RILPL1: variants seen among roughly 807,000 people sequenced by gnomAD.
RILPL1 encodes the protein Rab interacting lysosomal protein like 1, also known as RILP-like protein 1.
Under a neutral mutation model 50.3 loss-of-function variants are expected in RILPL1, and 33 were observed. The observed-to-expected ratio is 0.66, with a 90% confidence interval of 0.50 to 0.88. The LOEUF (loss-of-function observed/expected upper bound fraction) is 0.88, where lower values mean the gene tolerates loss of function less well. RILPL1 is among the 40% of genes least tolerant of loss of function. The pLI, the probability that RILPL1 is intolerant of heterozygous loss-of-function variation, is 0.00. For missense variants in RILPL1, 418 were observed against 542.5 expected (o/e 0.77, Z 2.28); for synonymous variants, 205 against 228.6 (o/e 0.90, Z 0.93).
chr12:123,521,587 A>G (rs796611159), intron 2 of RILPL1, among the ~76,000 whole-genome samples: 221 of 14,610 alleles, frequency 0.015, 5 homozygotes, highest in African/African-American at 0.028. Flanking sequence ...ACATATGTGT[A>G]TATATATATT....
At chr12:123,481,325 C>G (rs914394597) in intron 6 of RILPL1, among the ~76,000 whole-genome samples, 2 of 150,088 alleles carry the variant, frequency 1.3e-5, no homozygotes, top group Non-Finnish European at 3.0e-5. Flanking sequence ...TGCCACTGCA[C>G]TCCAGCCTCG....
chr12:123,481,045 T>C (rs571852015), intron 6 of RILPL1, among the ~76,000 whole-genome samples: 4 of 152,108 alleles, frequency 2.6e-5, no homozygotes, highest in Non-Finnish European at 5.9e-5. Context: ...GACTCTGCAC[T>C]GGAGTTTCAG....
chr12:123,475,540 GCA>G, intron 6 of RILPL1: 1 of 682,642 alleles, frequency 1.5e-6, no homozygotes, highest in Non-Finnish European at 2.7e-6. Context: ...GTCAAATGGA[GCA>G]CACAGGTGGC....
chr12:123,476,438 T>G, intron 6 of RILPL1, among the ~76,000 whole-genome samples: 1 of 147,868 alleles, frequency 6.8e-6, no homozygotes, highest in Non-Finnish European at 1.5e-5. Flanking sequence ...CAAAACTCCA[T>G]CTCAAGAAAA....
intron 6 of RILPL1, among the ~76,000 whole-genome samples, chr12:123,480,158 CTTTTTTT>C (rs957649286): frequency 3.1e-4 from 36 of 117,008 alleles, no homozygotes; most frequent in Middle Eastern, 4.5e-3. Context: ...AAGGCTGATT[CTTTTTTT>C]TTTTTTTTTT....
In RILPL1 at chr12:123,527,080, T is replaced by C. The variant is rs114949034; in HGVS notation, c.310-3435A>G. ...GCACGGTGGCTCATACCTATAATCC[T>C]TGTAATTTAGGAGGCTGAGGTGGGA... On this transcript the variant is annotated intron_variant, in intron 1 of 6. Coordinates refer to ENST00000376874, the MANE Select transcript of RILPL1 (RefSeq NM_178314.5). Among the ~76,000 whole-genome samples the C allele has an allele frequency of 4.0e-3, 610 of 152,314 alleles. 3 individuals are homozygous for C. The highest frequency in any genetic ancestry group is 0.014 in the African/African-American group (579 of 41,574).
chr12:123,511,686 G>C (rs1490662795), intron 2 of RILPL1, among the ~76,000 whole-genome samples: 6 of 89,242 alleles, frequency 6.7e-5, no homozygotes, highest in African/African-American at 2.4e-4. Context: ...GTGGTGTGTG[G>C]TGTGTGTGTG....
chr12:123,527,864 TGG>T, intron 1 of RILPL1, among the ~76,000 whole-genome samples: 1 of 152,024 alleles, frequency 6.6e-6, no homozygotes, highest in East Asian at 1.9e-4. Context: ...GTCCATAAGT[TGG>T]GGAAGGCAAA....
intron 4 of RILPL1, among the ~76,000 whole-genome samples, chr12:123,493,487 TTGTCTC>T (rs1332096106): frequency 2.0e-5 from 3 of 152,158 alleles, no homozygotes; most frequent in Non-Finnish European, 4.4e-5. Flanking sequence ...TCTCTATACT[TTGTCTC>T]TGTGTCTTTT....
At chr12:123,492,142 C>T (rs779809579) in intron 4 of RILPL1, among the ~76,000 whole-genome samples, 14 of 151,836 alleles carry the variant, frequency 9.2e-5, no homozygotes, top group Non-Finnish European at 1.9e-4. Flanking sequence ...ATCATGGTGG[C>T]TTGAACCCGG....
chr12:123,488,264 C>T (rs1882466474), intron 4 of RILPL1, among the ~76,000 whole-genome samples: 1 of 151,916 alleles, frequency 6.6e-6, no homozygotes, highest in South Asian at 2.1e-4. Flanking sequence ...CATAGCAAGA[C>T]CTCATGTCTA....
chr12:123,508,729 C>T (rs1409584826), intron 2 of RILPL1, among the ~76,000 whole-genome samples: 1 of 152,094 alleles, frequency 6.6e-6, no homozygotes, highest in African/African-American at 2.4e-5. Context: ...TAAGGCCGGG[C>T]ACAGTGGCTC....
At chr12:123,481,827 G>T (rs1383191109) in intron 6 of RILPL1, among the ~76,000 whole-genome samples, 3 of 151,814 alleles carry the variant, frequency 2.0e-5, no homozygotes, top group Admixed American at 6.6e-5. Flanking sequence ...AAAGTGCTGG[G>T]ATTACAAGCC....
At chr12:123,520,579 CAAA>C (rs973553428) in intron 2 of RILPL1, among the ~76,000 whole-genome samples, 79 of 152,198 alleles carry the variant, frequency 5.2e-4, no homozygotes, top group East Asian at 1.4e-3. Context: ...AACAAACAAA[CAAA>C]CAAACAAAAA....
Position 123,533,146 on chromosome 12 carries a change from G to C in RILPL1, c.309+28C>G. ...TTGGGTCCCCGCGGTCCCACTGCCC[G>C]GACGGACAGACCGAGGCCGCCGCCC... is the stretch of plus-strand genomic sequence containing the variant. On this transcript the variant is annotated intron_variant, in intron 1 of 6. Transcript: ENST00000376874. The surrounding 1 kb of genome is among the most constrained non-coding windows in gnomAD (Gnocchi z 6.2). The C allele has an allele frequency of 6.6e-7, 1 of 1,506,742 alleles. No homozygotes were observed. Among genetic ancestry groups the C allele is most frequent in the South Asian group, 1.3e-5 (1 of 79,866 alleles). 93.3% of individuals were successfully genotyped at this position (1,506,742 alleles called of 1,614,324 possible).
chr12:123,510,270 A>G (rs970403169), intron 2 of RILPL1, among the ~76,000 whole-genome samples: 2 of 152,078 alleles, frequency 1.3e-5, no homozygotes, highest in Admixed American at 1.3e-4. Flanking sequence ...TGCCCCAGGG[A>G]CACTGCTGCA....
In RILPL1 at chr12:123,491,731, T is replaced by G. The variant is rs1593549413; in HGVS notation, c.802-5926A>C. Among the ~76,000 whole-genome samples the G allele has an allele frequency of 6.6e-6, 1 of 152,128 alleles. No individual in the cohort carries two copies. The highest frequency in any genetic ancestry group is 1.9e-4 in the East Asian group (1 of 5,192). Reference sequence around the variant, plus strand: ...CTGCTACGAAATCAAAACGTGTGGCTGGGCGCGGTGGCTCACACCTGTAAT... The same window carrying G: ...CTGCTACGAAATCAAAACGTGTGGCGGGGCGCGGTGGCTCACACCTGTAAT... On this transcript the variant is annotated intron_variant, in intron 4 of 6. Transcript: ENST00000376874. The surrounding 1 kb of genome is among the most constrained non-coding windows in gnomAD (Gnocchi z 4.0).
At chr12:123,478,650 C>T (rs1439910178) in intron 6 of RILPL1, among the ~76,000 whole-genome samples, 1 of 152,100 alleles carries the variant, frequency 6.6e-6, no homozygotes, top group African/African-American at 2.4e-5. Context: ...GGGTGGCCAC[C>T]CACTCCAAAG....
Position 123,472,407 on chromosome 12 carries a change from C to G in RILPL1, c.*131G>C. ...AATGTCCATCCTCAAATCAGACAGTCTGTTTGAGGGGTCAGTTTTCAGGGT... is the reference window on the plus strand; with the variant it reads ...AATGTCCATCCTCAAATCAGACAGTGTGTTTGAGGGGTCAGTTTTCAGGGT... On this transcript the variant is annotated 3_prime_UTR_variant, in exon 7 of 7. Coordinates refer to ENST00000376874, the MANE Select transcript of RILPL1 (RefSeq NM_178314.5). The G allele has an allele frequency of 2.2e-6, 2 of 914,504 alleles. No homozygotes were observed. The highest frequency in any genetic ancestry group is 3.3e-6 in the Non-Finnish European group (2 of 614,300). 56.6% of individuals were successfully genotyped at this position (914,504 alleles called of 1,614,324 possible).
Sources: gnomAD v4.1 joint callset for allele counts (sites outside exome capture counted in the v4.1 genomes callset) on GRCh38, gnomAD v4.1.1 for gene constraint, Gnocchi (gnomAD v3.1) non-coding constraint, MANE v1.5 for transcripts, NCBI Gene and HGNC (gene_info 2026-07-23, HGNC 2026-07-21) for gene names.